The following SLCO5A1 variants were observed in gnomAD, a reference collection of about 807,000 sequenced individuals.
SLCO5A1 encodes solute carrier organic anion transporter family member 5A1, also known as organic anion transporter polypeptide-related protein 4.
Under a neutral mutation model 65.1 loss-of-function variants are expected in SLCO5A1, and 39 were observed. The observed-to-expected ratio is 0.60, with a 90% CI of 0.46 to 0.78. The LOEUF (loss-of-function observed/expected upper bound fraction) is 0.78. Ranked by LOEUF, SLCO5A1 falls within the 30% of genes least tolerant of loss-of-function variation. The pLI is 0.00. For synonymous variants in SLCO5A1, 438 were observed against 415.7 expected, an observed-to-expected ratio of 1.05 and a Z score of -0.65; for missense variants, 1,029 against 1,069.4, an observed-to-expected ratio of 0.96 and a Z score of 0.53.
chr8:69,765,753 C>A (rs924867253), intron 2 of SLCO5A1, among the ~76,000 whole-genome samples: 5 of 152,236 alleles, frequency 3.3e-5, no homozygotes, highest in Non-Finnish European at 5.9e-5. Flanking sequence ...GTACTCCAGG[C>A]CCCATGCTCA....
intron 2 of SLCO5A1, among the ~76,000 whole-genome samples, chr8:69,763,451 C>A (rs565172055): frequency 4.8e-4 from 73 of 151,496 alleles, no homozygotes; most frequent in African/African-American, 1.7e-3. Flanking sequence ...CCCATTTCTA[C>A]CAAAAATACA....
At chr8:69,680,601 G>A (rs921245268) in intron 7 of SLCO5A1, among the ~76,000 whole-genome samples, 3 of 152,194 alleles carry the variant, frequency 2.0e-5, no homozygotes, top group African/African-American at 7.2e-5. Flanking sequence ...ACATACAAGT[G>A]CATGTGTCTT....
At chr8:69,747,737 G>A (rs1473488378) in intron 4 of SLCO5A1, among the ~76,000 whole-genome samples, 1 of 152,110 alleles carries the variant, frequency 6.6e-6, no homozygotes, top group Non-Finnish European at 1.5e-5. Context: ...TGCAGTTCCT[G>A]TCATTTTTAT....
At chr8:69,681,687 T>C (rs140065904) in intron 7 of SLCO5A1, among the ~76,000 whole-genome samples, 2 of 152,326 alleles carry the variant, frequency 1.3e-5, no homozygotes, top group African/African-American at 4.8e-5. Flanking sequence ...AATAGCCTAT[T>C]CTTGAACTGT....
intron 2 of SLCO5A1, among the ~76,000 whole-genome samples, chr8:69,799,454 G>A (rs917658456): frequency 6.6e-6 from 1 of 152,018 alleles, no homozygotes; most frequent in African/African-American, 2.4e-5. Flanking sequence ...ATTAATTACA[G>A]TTTTCTACAC....
At chr8:69,743,889 T>C (rs1045811791) in intron 4 of SLCO5A1, among the ~76,000 whole-genome samples, 2 of 152,136 alleles carry the variant, frequency 1.3e-5, no homozygotes, top group African/African-American at 2.4e-5. Flanking sequence ...TTGGAGACTA[T>C]AAAGGGCTAA....
At position 69,676,994 on chromosome 8, in the gene SLCO5A1, T is replaced by A. The variant is rs77983878; in HGVS notation, c.2025-321A>T. ...TTCCAAAATCAGATCCATTTTTTTT[T>A]AATTATAGAATTTCATCTTAAATAC... is the stretch of plus-strand genomic sequence containing the variant. On this transcript the variant is annotated intron_variant, in intron 8 of 9. Transcript: ENST00000260126. Among the ~76,000 whole-genome samples the A allele has an allele frequency of 1.5e-3, 231 of 152,326 alleles. 8 individuals carry two copies. In the East Asian group the frequency reaches 0.038, roughly 25 times the overall value.
intron 3 of SLCO5A1, among the ~76,000 whole-genome samples, chr8:69,757,144 A>G (rs1051778480): frequency 1.3e-5 from 2 of 152,224 alleles, no homozygotes; most frequent in African/African-American, 4.8e-5. Flanking sequence ...ACAATTAGTC[A>G]TTAATAATTT....
At position 69,801,176 on chromosome 8, in the gene SLCO5A1, A is replaced by G. The variant is rs1344108024; in HGVS notation, c.907+30591T>C. Among the ~76,000 whole-genome samples, 3 of 152,202 alleles carry G rather than the reference A, an allele frequency of 2.0e-5. No individual in the cohort carries two copies. In the East Asian group the frequency reaches 5.8e-4, roughly 29 times the overall value. ...CACAGCTCACATCCTAAGTCCTCAGAACCCTCAGGTCCCAGCCACACCTTG... is the reference window on the plus strand; with the variant it reads ...CACAGCTCACATCCTAAGTCCTCAGGACCCTCAGGTCCCAGCCACACCTTG... On this transcript the variant is annotated intron_variant, in intron 2 of 9. Coordinates refer to ENST00000260126, the MANE Select transcript of SLCO5A1 (RefSeq NM_030958.3).
chr8:69,682,692 A>G (rs937406394), intron 6 of SLCO5A1, among the ~76,000 whole-genome samples: 7 of 152,310 alleles, frequency 4.6e-5, no homozygotes, highest in Admixed American at 1.3e-4. Flanking sequence ...CAGGCTCTAC[A>G]TCTTAACAAA....
At chr8:69,754,045 A>G (rs891018523) in intron 4 of SLCO5A1, among the ~76,000 whole-genome samples, 1 of 150,240 alleles carries the variant, frequency 6.7e-6, no homozygotes, top group Non-Finnish European at 1.5e-5. Flanking sequence ...GATTATTGCT[A>G]TGTTTTAAAT....
At chr8:69,773,523 G>C (rs530696522) in intron 2 of SLCO5A1, among the ~76,000 whole-genome samples, 24 of 152,160 alleles carry the variant, frequency 1.6e-4, no homozygotes, top group Non-Finnish European at 3.4e-4. Context: ...AGGCCTCTCT[G>C]TCCACCTCAT....
At chr8:69,819,963 AAAAACAAAAC>A (rs759927973) in intron 2 of SLCO5A1, among the ~76,000 whole-genome samples, 10 of 152,182 alleles carry the variant, frequency 6.6e-5, no homozygotes, top group Non-Finnish European at 4.4e-5. Context: ...ACTCCATCTC[AAAAACAAAAC>A]AAAACAAAAC....
chr8:69,770,545 C>T (rs1291711776), intron 2 of SLCO5A1, among the ~76,000 whole-genome samples: 1 of 152,184 alleles, frequency 6.6e-6, no homozygotes, highest in East Asian at 1.9e-4. Context: ...AATCCATTCC[C>T]AGCTCAGCTG....
chr8:69,670,016 T>C lies in SLCO5A1; in HGVS notation c.*2853A>G, dbSNP rs1459980954. On this transcript the variant is annotated 3_prime_UTR_variant, in exon 10 of 10. Coordinates refer to ENST00000260126, the MANE Select transcript of SLCO5A1 (RefSeq NM_030958.3). ...CTTTTGAATATTTTCAAGAATTAAA[T>C]CCACCTATAAAGAATAAGGACTTAA... 1 of 152,160 alleles carries C rather than the reference T, an allele frequency of 6.6e-6. No homozygotes were observed. Among genetic ancestry groups the C allele is most frequent in the African/African-American group, 2.4e-5 (1 of 41,428 alleles). The allele number at this position is 152,160 out of a possible 1,614,324, so 9.4% of individuals were successfully genotyped here.
At chr8:69,763,651 A>AAAAG (rs1817910371) in intron 2 of SLCO5A1, among the ~76,000 whole-genome samples, 4 of 136,944 alleles carry the variant, frequency 2.9e-5, no homozygotes, top group Admixed American at 7.3e-5. Flanking sequence ...AAAAAAAAAA[A>AAAAG]GGGTGTATAG....
chr8:69,678,806 A>AAAC (rs1554604891), intron 8 of SLCO5A1, among the ~76,000 whole-genome samples: 1 of 151,924 alleles, frequency 6.6e-6, no homozygotes, highest in African/African-American at 2.4e-5. Context: ...AACTGAAAAA[A>AAAC]AAAAAAAGGG....
chr8:69,774,008 A>T (rs966039584), intron 2 of SLCO5A1, among the ~76,000 whole-genome samples: 1 of 152,180 alleles, frequency 6.6e-6, no homozygotes, highest in Non-Finnish European at 1.5e-5. Context: ...GCATACATTT[A>T]TATATTTGTT....
Position 69,673,087 on chromosome 8 carries a change from G to A in SLCO5A1, c.2329C>T (p.Leu777=), listed in dbSNP as rs142525214. The A allele has an allele frequency of 4.1e-5, 66 of 1,614,216 alleles. No individual in the cohort carries two copies. The highest frequency in any genetic ancestry group is 3.6e-4 in the East Asian group (16 of 44,870). Residue 777 remains leucine (L), a synonymous_variant, in exon 10 of 10, where the codon CTG becomes TTG. Transcript: ENST00000260126. ...LQRRRQREFP[L]STVSERVGHP... ...CCCACTCTCTCACTCACGGTGCTCA[G>A]GGGAAATTCTCTCTGCCTCCGCCTC...
Sources: allele counts gnomAD v4.1 joint callset (sites outside exome capture counted in the v4.1 genomes callset), GRCh38; gene constraint gnomAD v4.1.1; transcripts MANE v1.5; gene names NCBI Gene and HGNC (gene_info 2026-07-23, HGNC 2026-07-21).